The following GRID2 variants were observed in gnomAD, a reference collection of about 807,000 sequenced individuals.
GRID2 encodes glutamate ionotropic receptor delta type subunit 2.
In GRID2, 33 loss-of-function variants were observed where a neutral mutation model predicts 114.8. The observed-to-expected ratio is 0.29, with a 90% CI of 0.22 to 0.38. The LOEUF is 0.38. Among genes scored for constraint, GRID2 ranks in the 10% least tolerant of loss-of-function variants. GRID2 has a pLI of 1.00. For missense variants in GRID2, 1,184 were observed against 1,257.7 expected, an observed-to-expected ratio of 0.94 and a Z score of 0.89; for synonymous variants, 505 against 449.9, an observed-to-expected ratio of 1.12 and a Z score of -1.55.
At chr4:92,884,313 G>C (rs1746220256) in intron 2 of GRID2, among the ~76,000 whole-genome samples, 1 of 152,186 alleles carries the variant, frequency 6.6e-6, no homozygotes, top group African/African-American at 2.4e-5. Flanking sequence ...TTAAGGGAAT[G>C]TTGTGGCTCG....
At chr4:92,653,511 ATTATC>A (rs1223197312) in intron 2 of GRID2, among the ~76,000 whole-genome samples, 1 of 151,790 alleles carries the variant, frequency 6.6e-6, no homozygotes, top group Non-Finnish European at 1.5e-5. Flanking sequence ...GTTTTCCCCT[ATTATC>A]TTGGGCACAT....
intron 2 of GRID2, among the ~76,000 whole-genome samples, chr4:92,675,073 GA>G (rs1733278710): frequency 6.6e-6 from 1 of 152,110 alleles, no homozygotes; most frequent in Non-Finnish European, 1.5e-5. Flanking sequence ...AAAATGGTTG[GA>G]TTTTGTTCTG....
At chr4:93,644,600 T>C (rs892767297) in intron 14 of GRID2, among the ~76,000 whole-genome samples, 10 of 152,194 alleles carry the variant, frequency 6.6e-5, no homozygotes, top group Non-Finnish European at 1.5e-4. Context: ...GGGAGCCTCT[T>C]ATATTCTTGG....
chr4:93,505,853 T>C (rs1728576281), intron 12 of GRID2, among the ~76,000 whole-genome samples: 1 of 152,210 alleles, frequency 6.6e-6, no homozygotes, highest in East Asian at 1.9e-4. Context: ...TCAGGGTTCA[T>C]GATGTGACAC....
intron 12 of GRID2, among the ~76,000 whole-genome samples, chr4:93,491,576 A>T (rs1311965176): frequency 6.6e-6 from 1 of 151,778 alleles, no homozygotes; most frequent in Non-Finnish European, 1.5e-5. Flanking sequence ...TTTAAGAAAA[A>T]TTTTCCTGAA....
At chr4:93,470,945 AAAAC>A (rs1243561196) in intron 11 of GRID2, among the ~76,000 whole-genome samples, 2 of 152,180 alleles carry the variant, frequency 1.3e-5, no homozygotes, top group South Asian at 2.1e-4. Context: ...TAGTGATATT[AAAAC>A]AAACAAGTAA....
intron 11 of GRID2, among the ~76,000 whole-genome samples, chr4:93,477,258 A>G (rs1725405742): frequency 6.6e-6 from 1 of 152,146 alleles, no homozygotes; most frequent in Admixed American, 6.6e-5. Flanking sequence ...ATATTAATCT[A>G]TTCATGAGTG....
chr4:93,585,828 C>G (rs1737485718), intron 13 of GRID2, among the ~76,000 whole-genome samples: 1 of 152,058 alleles, frequency 6.6e-6, no homozygotes, highest in African/African-American at 2.4e-5. Flanking sequence ...TCATAACACA[C>G]ATTTTCTATG....
intron 4 of GRID2, among the ~76,000 whole-genome samples, chr4:93,111,573 C>T (rs546249063): frequency 6.3e-4 from 96 of 152,204 alleles, no homozygotes; most frequent in Non-Finnish European, 1.1e-3. Flanking sequence ...ATAGGTATAA[C>T]ATCTCTATGT....
chr4:93,337,607 A>C (rs1223726307), intron 8 of GRID2, among the ~76,000 whole-genome samples: 1 of 152,184 alleles, frequency 6.6e-6, no homozygotes, highest in Non-Finnish European at 1.5e-5. Flanking sequence ...GGGAGGCATT[A>C]TCTCTATCTT....
At chr4:93,730,068 T>C (rs1730341522) in intron 14 of GRID2, among the ~76,000 whole-genome samples, 1 of 152,180 alleles carries the variant, frequency 6.6e-6, no homozygotes, top group South Asian at 2.1e-4. Flanking sequence ...AATACATAAA[T>C]AAGTTGCCTC....
At chr4:93,323,389 CT>C (rs1409115431) in intron 8 of GRID2, among the ~76,000 whole-genome samples, 1 of 151,880 alleles carries the variant, frequency 6.6e-6, no homozygotes, top group Non-Finnish European at 1.5e-5. Flanking sequence ...GGGCTCTGTT[CT>C]GTTCCATTGG....
At chr4:93,264,677 C>T (rs1470083619) in intron 8 of GRID2, among the ~76,000 whole-genome samples, 2 of 142,182 alleles carry the variant, frequency 1.4e-5, no homozygotes, top group Non-Finnish European at 3.0e-5. Context: ...GGTCCTGAGT[C>T]CCCCACAAGG....
chr4:92,588,511 C>A (rs1273885248), intron 1 of GRID2, among the ~76,000 whole-genome samples: 2 of 150,970 alleles, frequency 1.3e-5, no homozygotes, highest in Non-Finnish European at 3.0e-5. Flanking sequence ...CCCGTCCCTA[C>A]TACAAATACA....
chr4:92,441,239 G>T (rs1412112599), intron 1 of GRID2, among the ~76,000 whole-genome samples: 2 of 152,160 alleles, frequency 1.3e-5, no homozygotes, highest in Non-Finnish European at 2.9e-5. Context: ...GGCAGGGAGA[G>T]CACGTGTGTT....
intron 2 of GRID2, among the ~76,000 whole-genome samples, chr4:92,943,373 G>A (rs1751333671): frequency 1.3e-5 from 2 of 152,020 alleles, no homozygotes; most frequent in African/African-American, 4.8e-5. Context: ...GATCGCGTCG[G>A]CTACTGAGGC....
chr4:93,653,895 G>A (rs1722792321), intron 14 of GRID2, among the ~76,000 whole-genome samples: 1 of 152,050 alleles, frequency 6.6e-6, no homozygotes, highest in South Asian at 2.1e-4. Flanking sequence ...CTCACACATG[G>A]GAAAACTTTA....
chr4:93,634,455 T>G (rs994020226), intron 14 of GRID2, among the ~76,000 whole-genome samples: 1 of 152,166 alleles, frequency 6.6e-6, no homozygotes, highest in African/African-American at 2.4e-5. Flanking sequence ...ATAAAGCATC[T>G]ACTACACTAA....
At chr4:92,675,551 ATTT>A (rs576488084) in intron 2 of GRID2, among the ~76,000 whole-genome samples, 6 of 133,014 alleles carry the variant, frequency 4.5e-5, no homozygotes, top group African/African-American at 8.3e-5. Flanking sequence ...TTGGGCTACA[ATTT>A]TTTTTTTTTT....
Sources: allele counts gnomAD v4.1 joint callset (sites outside exome capture counted in the v4.1 genomes callset), GRCh38; gene constraint gnomAD v4.1.1; transcripts MANE v1.5; gene names NCBI Gene and HGNC (gene_info 2026-07-23, HGNC 2026-07-21).